PSTPIP2: variants seen among roughly 807,000 people sequenced by gnomAD.
PSTPIP2 encodes proline-serine-threonine phosphatase interacting protein 2.
Under a neutral mutation model 63.3 loss-of-function variants are expected in PSTPIP2, and 33 were observed. The ratio of observed to expected loss-of-function variants is 0.52; its 90% CI spans 0.40 to 0.70. The LOEUF (loss-of-function observed/expected upper bound fraction) is 0.70, where lower values mean the gene tolerates loss of function less well. Among genes scored for constraint, PSTPIP2 ranks in the 30% least tolerant of loss-of-function variants. The probability of loss-of-function intolerance (pLI) is 0.00; values close to 1 mark genes in which losing one functional copy is unlikely to be tolerated. For missense variants in PSTPIP2, 312 were observed against 400.7 expected (o/e 0.78, Z 1.89); for synonymous variants, 125 against 132.7 (o/e 0.94, Z 0.40).
chr18:46,058,338 GTT>G (rs1055129484), intron 1 of PSTPIP2, among the ~76,000 whole-genome samples: 1 of 151,826 alleles, frequency 6.6e-6, no homozygotes, highest in Non-Finnish European at 1.5e-5. Flanking sequence ...ATAAGCATGT[GTT>G]ATATTCCTAG....
chr18:45,993,809 T>G (rs1433753413), intron 9 of PSTPIP2, 106 bp from the exon 10 acceptor site: 6 of 942,664 alleles, frequency 6.4e-6, no homozygotes, highest in Admixed American at 4.0e-5. Context: ...ATCTGTAAAC[T>G]TATTGTCCAA....
At chr18:46,038,428 C>T (rs558107078) in intron 2 of PSTPIP2, among the ~76,000 whole-genome samples, 44 of 152,312 alleles carry the variant, frequency 2.9e-4, no homozygotes, top group African/African-American at 1.0e-3. Flanking sequence ...CAGACACTTC[C>T]TTCCTCTGCA....
chr18:46,044,614 T>G (rs1398152344), intron 1 of PSTPIP2, among the ~76,000 whole-genome samples: 2 of 152,068 alleles, frequency 1.3e-5, no homozygotes, highest in East Asian at 3.9e-4. Flanking sequence ...ACTTCATGTC[T>G]AAAACACTAA....
intron 2 of PSTPIP2, among the ~76,000 whole-genome samples, chr18:46,034,838 T>C (rs1907908297): frequency 6.6e-6 from 1 of 152,206 alleles, no homozygotes; most frequent in Non-Finnish European, 1.5e-5. Context: ...TTAAATAATA[T>C]ATACAAAACA....
intron 1 of PSTPIP2, among the ~76,000 whole-genome samples, chr18:46,041,533 C>A (rs1363116977): frequency 1.3e-5 from 2 of 152,170 alleles, no homozygotes; most frequent in Admixed American, 6.5e-5. Context: ...AGCCACCATG[C>A]CTGGCCAAAT....
At chr18:46,013,260 T>G (rs1052381706) in intron 4 of PSTPIP2, among the ~76,000 whole-genome samples, 1 of 152,176 alleles carries the variant, frequency 6.6e-6, no homozygotes, top group South Asian at 2.1e-4. Context: ...CTCTGAGAAA[T>G]GTATTCATTG....
chr18:46,011,527 G>C (rs1315956295), intron 4 of PSTPIP2, among the ~76,000 whole-genome samples: 1 of 152,042 alleles, frequency 6.6e-6, no homozygotes, highest in East Asian at 1.9e-4. Context: ...ACTAACCTAG[G>C]GTGCCCAGGA....
chr18:45,990,672 T>G, intron 13 of PSTPIP2, 50 bp downstream of exon 13: 1 of 1,507,084 alleles, frequency 6.6e-7, no homozygotes, highest in Non-Finnish European at 9.2e-7. Context: ...TCAAGTGATC[T>G]GCCTGCCTTG....
chr18:46,070,692 T>C (rs1909362944), intron 1 of PSTPIP2, among the ~76,000 whole-genome samples: 2 of 152,122 alleles, frequency 1.3e-5, no homozygotes, highest in African/African-American at 4.8e-5. Context: ...TTTTAAGATT[T>C]TTTTGTAGAG....
chr18:45,991,663 T>C (rs1162047231), intron 12 of PSTPIP2, among the ~76,000 whole-genome samples: 1 of 152,154 alleles, frequency 6.6e-6, no homozygotes, highest in Non-Finnish European at 1.5e-5. Context: ...ATAAGAAAAG[T>C]ATAGGATTCA....
At chr18:45,997,701 A>ACCGCCCC in intron 9 of PSTPIP2, 48 bp downstream of exon 9, 1 of 332,626 alleles carries the variant, frequency 3.0e-6, no homozygotes. Context: ...TGTTACACAC[A>ACCGCCCC]CCCCCACCCA....
intron 2 of PSTPIP2, among the ~76,000 whole-genome samples, chr18:46,033,540 G>T (rs565879805): frequency 1.3e-5 from 2 of 151,880 alleles, no homozygotes; most frequent in Non-Finnish European, 2.9e-5. Flanking sequence ...TCTACTAAAA[G>T]TACAAAAATT....
intron 1 of PSTPIP2, among the ~76,000 whole-genome samples, chr18:46,064,916 A>G (rs184161391): frequency 9.2e-5 from 14 of 152,082 alleles, no homozygotes; most frequent in African/African-American, 3.4e-4. Context: ...AGGCTGAGAC[A>G]GGCAGATCAC....
At chr18:45,986,782 ATATATTAAGCAAT>A (rs2051471730) in intron 14 of PSTPIP2, among the ~76,000 whole-genome samples, 1 of 152,248 alleles carries the variant, frequency 6.6e-6, no homozygotes, top group Admixed American at 6.5e-5. Flanking sequence ...TAAATATTAA[ATATATTAAGCAAT>A]TATATTAAGC....
At chr18:46,064,457 A>ATTTTTTTTTT (rs34169328) in intron 1 of PSTPIP2, among the ~76,000 whole-genome samples, 1 of 106,038 alleles carries the variant, frequency 9.4e-6, no homozygotes, top group East Asian at 3.0e-4. Flanking sequence ...CACCTGGCTA[A>ATTTTTTTTTT]TTTTTTTTTT....
intron 5 of PSTPIP2, among the ~76,000 whole-genome samples, chr18:46,005,789 T>C (rs1241080125): frequency 6.6e-6 from 1 of 152,224 alleles, no homozygotes; most frequent in African/African-American, 2.4e-5. Flanking sequence ...CTGATCACCT[T>C]AGAGCAGTCT....
intron 3 of PSTPIP2, among the ~76,000 whole-genome samples, chr18:46,024,134 G>A (rs1169041852): frequency 2.0e-5 from 3 of 151,692 alleles, no homozygotes; most frequent in South Asian, 2.1e-4. Flanking sequence ...TGAGATGCAA[G>A]GATCTTTTTT....
chr18:46,060,764 TG>T (rs1469420426), intron 1 of PSTPIP2, among the ~76,000 whole-genome samples: 1 of 152,252 alleles, frequency 6.6e-6, no homozygotes, highest in East Asian at 1.9e-4. Context: ...CTGGTTTCTT[TG>T]CCCTCTGAGA....
chr18:46,054,894 T>A (rs1037533606), intron 1 of PSTPIP2, among the ~76,000 whole-genome samples: 2 of 151,984 alleles, frequency 1.3e-5, no homozygotes, highest in African/African-American at 2.4e-5. Context: ...CCTGACCTCG[T>A]TATCCACCCG....
Sources: allele counts gnomAD v4.1 joint callset (sites outside exome capture counted in the v4.1 genomes callset), GRCh38; gene constraint gnomAD v4.1.1; transcripts MANE v1.5; gene names NCBI Gene and HGNC (gene_info 2026-07-23, HGNC 2026-07-21).